P2RX5: variants seen among roughly 807,000 people sequenced by gnomAD.
P2RX5 encodes purinergic receptor P2X 5.
P2RX5 carries 46 observed loss-of-function variants against 54.1 expected under a neutral mutation model. The observed-to-expected ratio is 0.85, with a 90% CI of 0.67 to 1.09. The LOEUF is 1.09. Ranked by LOEUF, P2RX5 falls within the 50% of genes least tolerant of loss-of-function variation. The pLI, the probability that P2RX5 is intolerant of heterozygous loss-of-function variation, is 0.00. For missense variants in P2RX5, 566 were observed against 549.8 expected (o/e 1.03, Z -0.29); for synonymous variants, 226 against 226.4 (o/e 1.00, Z 0.02).
the P2RX5 span, among the ~76,000 whole-genome samples, chr17:3,713,030 G>A: frequency 1.1e-5 from 1 of 87,646 alleles, no homozygotes; most frequent in African/African-American, 5.7e-5. Flanking sequence ...ACTCTAAACA[G>A]TCGGGGGAAA....
chr17:3,719,540 C>T, the P2RX5 span, among the ~76,000 whole-genome samples: 1 of 152,142 alleles, frequency 6.6e-6, no homozygotes. Context: ...AAATCACAGG[C>T]ATCAGTCTGA....
At chr17:3,674,273 G>A (rs909358556) in intron 11 of P2RX5, among the ~76,000 whole-genome samples, 4 of 151,608 alleles carry the variant, frequency 2.6e-5, no homozygotes, top group Admixed American at 1.3e-4. Flanking sequence ...ATCGCGCCAC[G>A]GCACTCCCAT....
upstream of P2RX5, among the ~76,000 whole-genome samples, chr17:3,699,095 C>CACACACACACACACACATA (rs60173844): frequency 5.6e-4 from 56 of 100,242 alleles, 1 homozygote; most frequent in East Asian, 4.7e-3. Flanking sequence ...ACACACACAC[C>CACACACACACACACACATA]TATATATATA....
chr17:3,715,083 T>C, the P2RX5 span: 1 of 613,558 alleles, frequency 1.6e-6, no homozygotes, highest in Non-Finnish European at 2.9e-6. Flanking sequence ...TAACTTACTC[T>C]GAATCTCTCC....
chr17:3,713,750 CA>C, the P2RX5 span, among the ~76,000 whole-genome samples: 41 of 140,902 alleles, frequency 2.9e-4, no homozygotes, highest in East Asian at 1.1e-3. Flanking sequence ...AACTCTGTCT[CA>C]AAAAAAAAAA....
At position 3,675,839 on chromosome 17, in the gene P2RX5, C is replaced by T. The variant is rs1028581187; in HGVS notation, c.1260-1962G>A. The stretch of plus-strand genomic sequence containing the variant: ...GTGCTGGGATTACAGGTGTGAGCCA[C>T]TGCGCCCAGCCTGGATCTTTACTTT... On this transcript the variant is annotated intron_variant, in intron 11 of 11. Coordinates refer to ENST00000225328, the MANE Select transcript of P2RX5 (RefSeq NM_002561.4). 3.0e-6 allele frequency: 3 copies of T among 984,848 alleles called. No individual in the cohort carries two copies. In the African/African-American group the frequency reaches 5.2e-5, roughly 17 times the overall value. 61.0% of individuals were successfully genotyped at this position (984,848 alleles called of 1,614,324 possible). A position where few individuals can be genotyped will look rare whatever the true frequency, so the allele number is the denominator to read the frequency against.
chr17:3,678,760 C>T (rs2050159895), intron 11 of P2RX5, among the ~76,000 whole-genome samples: 1 of 152,222 alleles, frequency 6.6e-6, no homozygotes, highest in Non-Finnish European at 1.5e-5. Flanking sequence ...GCAAGAGAGT[C>T]ACAGAACCCC....
chr17:3,681,679 G>A (rs1433889128), intron 10 of P2RX5, among the ~76,000 whole-genome samples: 8 of 152,172 alleles, frequency 5.3e-5, no homozygotes, highest in South Asian at 2.1e-4. Flanking sequence ...TGTGAACTCC[G>A]TCTCCCGCCC....
chr17:3,699,901 G>GGAAGGAAT (rs1567744355), upstream of P2RX5, among the ~76,000 whole-genome samples: 1 of 32,988 alleles, frequency 3.0e-5, no homozygotes, highest in East Asian at 5.9e-4. Context: ...AAGGAAGGAA[G>GGAAGGAAT]GAAGGAAGGA....
In P2RX5 at chr17:3,691,783, A is replaced by T. The variant is rs779645995; in HGVS notation, c.149T>A (p.Leu50Gln). 6.2e-7 allele frequency: 1 copy of T among 1,614,160 alleles called. No individual in the cohort carries two copies. The highest frequency in any genetic ancestry group is 8.5e-7 in the Non-Finnish European group (1 of 1,180,032). Residue 50 changes from leucine to glutamine, a missense_variant, in exon 2 of 12, where the codon CTG becomes CAG. Physicochemically the swap from Leu to Gln is moderately radical, Grantham distance 113. Coordinates refer to ENST00000225328, the MANE Select transcript of P2RX5 (RefSeq NM_002561.4). ...ILAYLVVWVF[L>Q]IKKGYQDVDT... Reference sequence around the variant, plus strand: ...GACGTCTTGGTAACCCTTCTTTATCAGGAACACCCATCTGTGGGAAGGGGG... The same window carrying T: ...GACGTCTTGGTAACCCTTCTTTATCTGGAACACCCATCTGTGGGAAGGGGG...
the P2RX5 span, among the ~76,000 whole-genome samples, chr17:3,722,930 T>C: frequency 2.0e-4 from 30 of 152,322 alleles, no homozygotes; most frequent in Admixed American, 1.6e-3. Flanking sequence ...CCGAAGGTTA[T>C]TGCAACAGCC....
chr17:3,721,139 G>A, the P2RX5 span, among the ~76,000 whole-genome samples: 1 of 151,832 alleles, frequency 6.6e-6, no homozygotes, highest in African/African-American at 2.4e-5. Context: ...ATGTTGCCCA[G>A]GCTGGTCTCA....
intron 11 of P2RX5, chr17:3,675,670 G>A (rs764996240): frequency 1.5e-4 from 102 of 688,856 alleles, no homozygotes; most frequent in Non-Finnish European, 1.7e-4. Context: ...TCCTGCCTCC[G>A]CCTCCCGAGT....
the P2RX5 span, chr17:3,714,967 AG>A: frequency 7.1e-7 from 1 of 1,399,120 alleles, no homozygotes; most frequent in Non-Finnish European, 1.0e-6. Flanking sequence ...GGAAAAGTCC[AG>A]TTACAGGCCA....
chr17:3,695,777 G>A, intron 1 of P2RX5, 92 bp downstream of exon 1: 1 of 1,511,886 alleles, frequency 6.6e-7, no homozygotes, highest in Non-Finnish European at 9.2e-7. Flanking sequence ...CCGCGTGCAC[G>A]CCTGCGAATT....
chr17:3,704,363 G>A, the P2RX5 span, among the ~76,000 whole-genome samples: 1 of 152,218 alleles, frequency 6.6e-6, no homozygotes, highest in Non-Finnish European at 1.5e-5. Context: ...AGACAAGAGT[G>A]GGCAGGGGTG....
chr17:3,697,674 G>A (rs1349240136), upstream of P2RX5, among the ~76,000 whole-genome samples: 1 of 152,166 alleles, frequency 6.6e-6, no homozygotes, highest in African/African-American at 2.4e-5. Flanking sequence ...TTTCATTCAC[G>A]AAATCTAAGA....
Position 3,691,645 on chromosome 17 carries a change from T to C in P2RX5, c.287A>G (p.Gln96Arg). Residue 96 changes from glutamine (Q) to arginine (R), a missense_variant and splice_region_variant, in exon 2 of 12, where the codon CAG becomes CGG. Coordinates refer to ENST00000225328, the MANE Select transcript of P2RX5 (RefSeq NM_002561.4). ...CGTGTGCTAGGTGGGGACTCAGACC[T>C]GGGCTGGAATGACGTAGTCGGCGAC... is the stretch of plus-strand genomic sequence containing the variant. ...WDVADYVIPAQGENVFFVVTN... is the reference protein window; with the variant it reads ...WDVADYVIPARGENVFFVVTN... 6.2e-7 allele frequency: 1 copy of C among 1,614,172 alleles called. No individual in the cohort carries two copies. Among genetic ancestry groups the C allele is most frequent in the Non-Finnish European group, 8.5e-7 (1 of 1,180,036 alleles).
chr17:3,708,416 ATGT>A, the P2RX5 span, among the ~76,000 whole-genome samples: 1 of 151,662 alleles, frequency 6.6e-6, no homozygotes, highest in Non-Finnish European at 1.5e-5. Context: ...TACCAGGGTC[ATGT>A]TGTTTGAACT....
Sources: gnomAD v4.1 joint callset for allele counts (sites outside exome capture counted in the v4.1 genomes callset) on GRCh38, gnomAD v4.1.1 for gene constraint, MANE v1.5 for transcripts, NCBI Gene and HGNC (gene_info 2026-07-23, HGNC 2026-07-21) for gene names.